The following DGAT2 variants were observed in gnomAD, a reference collection of about 807,000 sequenced individuals.
The protein encoded by DGAT2 is acyl-CoA retinol O-fatty-acyltransferase.
DGAT2 carries 33 observed loss-of-function variants against 48.4 expected under a neutral mutation model. That is an observed-to-expected ratio of 0.68 (90% CI 0.52 to 0.91). The LOEUF (loss-of-function observed/expected upper bound fraction) is 0.91. Ranked by LOEUF, DGAT2 falls within the 40% of genes least tolerant of loss-of-function variation. The pLI is 0.00. For missense variants in DGAT2, 446 were observed against 493.7 expected (o/e 0.90, Z 0.92); for synonymous variants, 191 against 194.1 (o/e 0.98, Z 0.13).
At chr11:75,779,733 C>T (rs1944839900) in intron 1 of DGAT2, among the ~76,000 whole-genome samples, 1 of 152,164 alleles carries the variant, frequency 6.6e-6, no homozygotes, top group African/African-American at 2.4e-5. Flanking sequence ...CTCATCTGCC[C>T]CCATAAAACA....
At chr11:75,777,229 C>T (rs1476181501) in intron 1 of DGAT2, among the ~76,000 whole-genome samples, 1 of 151,580 alleles carries the variant, frequency 6.6e-6, no homozygotes, top group Non-Finnish European at 1.5e-5. Flanking sequence ...TGATGCCAGA[C>T]ATTCTGGCCC....
Position 75,800,752 on chromosome 11 carries a change from C to T in DGAT2, c.*244C>T, listed in dbSNP as rs1286720322. ...GGCCTAATCTGGGTGGCTCAGCTAACCTCTCTTCTTCCCTTCCTGAAGTGA... is the reference window on the plus strand; with the variant it reads ...GGCCTAATCTGGGTGGCTCAGCTAATCTCTCTTCTTCCCTTCCTGAAGTGA... On this transcript the variant is annotated 3_prime_UTR_variant, in exon 8 of 8. Coordinates refer to ENST00000228027, the MANE Select transcript of DGAT2 (RefSeq NM_032564.5). 1 of 470,450 alleles carries T rather than the reference C, an allele frequency of 2.1e-6. No individual in the cohort carries two copies. Among genetic ancestry groups the T allele is most frequent in the Non-Finnish European group, 3.8e-6 (1 of 263,278 alleles). The allele number at this position is 470,450 out of a possible 1,614,324, so 29.1% of individuals were successfully genotyped here.
At chr11:75,773,870 G>A (rs918654457) in intron 1 of DGAT2, 2 of 152,278 alleles carry the variant, frequency 1.3e-5, no homozygotes, top group Non-Finnish European at 2.9e-5. Context: ...TCCTGGAAGA[G>A]GTGACATTCA....
At chr11:75,776,244 G>C (rs986181090) in intron 1 of DGAT2, 1 of 152,196 alleles carries the variant, frequency 6.6e-6, no homozygotes, top group Non-Finnish European at 1.5e-5. Flanking sequence ...ATTCATCACA[G>C]TCCTCTCAAG....
intron 6 of DGAT2, among the ~76,000 whole-genome samples, 160 bp downstream of exon 6, chr11:75,797,492 G>A (rs1945070036): frequency 1.3e-5 from 2 of 152,212 alleles, no homozygotes; most frequent in Admixed American, 1.3e-4. Context: ...ACTGCACAGT[G>A]TGGGCCAAGT....
At chr11:75,769,981 C>T (rs1944741297) in intron 1 of DGAT2, among the ~76,000 whole-genome samples, 1 of 152,096 alleles carries the variant, frequency 6.6e-6, no homozygotes, top group Non-Finnish European at 1.5e-5. Flanking sequence ...GCCTACACCG[C>T]CCACCTTTGT....
rs1160599899 is a variant in DGAT2 at position 75,773,673 on chromosome 11, TG to T, written c.121+4565del. On this transcript the variant is annotated intron_variant, in intron 1 of 7. Coordinates refer to ENST00000228027, the MANE Select transcript of DGAT2 (RefSeq NM_032564.5). ...GGAAGGCTTCACTGAGGAAGGGACTTGGGGTGTGGACCCTTCATTTTATTGA... is the reference window on the plus strand; with the variant it reads ...GGAAGGCTTCACTGAGGAAGGGACTTGGGTGTGGACCCTTCATTTTATTGA... 5 of 152,454 alleles carry T rather than the reference TG, an allele frequency of 3.3e-5. No individual in the cohort carries two copies. The East Asian group carries it at 9.6e-4, about 29-fold the overall frequency. 9.4% of individuals were successfully genotyped at this position (152,454 alleles called of 1,614,324 possible).
At chr11:75,798,747 C>T (rs1307154943) in intron 7 of DGAT2, among the ~76,000 whole-genome samples, 1 of 152,088 alleles carries the variant, frequency 6.6e-6, no homozygotes, top group African/African-American at 2.4e-5. Flanking sequence ...GATGAGGATG[C>T]GCAGGTGCTC....
chr11:75,769,870 C>G (rs974921458), intron 1 of DGAT2, among the ~76,000 whole-genome samples: 1 of 152,162 alleles, frequency 6.6e-6, no homozygotes, highest in Non-Finnish European at 1.5e-5. Context: ...CTGTCCTGGT[C>G]TGCGTGTGTG....
chr11:75,800,557 T>C lies in DGAT2; in HGVS notation c.*49T>C. 1 of 1,588,612 alleles carries C rather than the reference T, an allele frequency of 6.3e-7. No individual in the cohort carries two copies. The highest frequency in any genetic ancestry group is 1.1e-5 in the South Asian group (1 of 87,584). On this transcript the variant is annotated 3_prime_UTR_variant, in exon 8 of 8. Transcript: ENST00000228027. ...TGGAGGAACCAGCTGCAAATCACTTTTTTGCTCTGTAAATTTGGAAGTGTC... is the reference window on the plus strand; with the variant it reads ...TGGAGGAACCAGCTGCAAATCACTTCTTTGCTCTGTAAATTTGGAAGTGTC...
chr11:75,779,346 C>T (rs984395426), intron 1 of DGAT2, among the ~76,000 whole-genome samples: 1 of 152,168 alleles, frequency 6.6e-6, no homozygotes, highest in East Asian at 1.9e-4. Context: ...CGCTCAACAG[C>T]GTAGCATTGT....
chr11:75,787,023 G>T (rs1944929646), intron 2 of DGAT2, among the ~76,000 whole-genome samples: 1 of 152,202 alleles, frequency 6.6e-6, no homozygotes, highest in African/African-American at 2.4e-5. Flanking sequence ...AGCAGCACAT[G>T]TAATAATTAC....
At chr11:75,770,463 A>C (rs548422382) in intron 1 of DGAT2, among the ~76,000 whole-genome samples, 1 of 151,072 alleles carries the variant, frequency 6.6e-6, no homozygotes, top group African/African-American at 2.4e-5. Flanking sequence ...CCCTTCTCTC[A>C]CTTGAGTCCT....
intron 1 of DGAT2, among the ~76,000 whole-genome samples, chr11:75,778,630 C>A (rs1002793870): frequency 1.3e-5 from 2 of 151,956 alleles, no homozygotes; most frequent in South Asian, 4.2e-4. Flanking sequence ...ATCAGGAGAT[C>A]GAGACCATCC....
In DGAT2 at chr11:75,797,222, TATC is replaced by T. The variant is rs751735969; in HGVS notation, c.706_708del (p.Ile236del). On this transcript the variant is annotated inframe_deletion, in exon 6 of 8. Transcript: ENST00000228027. The stretch of plus-strand genomic sequence containing the variant: ...TTTCAAAGAATGGGAGTGGCAATGC[TATC>T]ATCATCGTGGTCGGGGGTGCGGCTG... 1.9e-6 allele frequency: 3 copies of T among 1,581,084 alleles called. No homozygotes were observed. Among genetic ancestry groups the T allele is most frequent in the South Asian group, 1.2e-5 (1 of 86,838 alleles).
intron 2 of DGAT2, among the ~76,000 whole-genome samples, chr11:75,788,152 C>T (rs1363680679): frequency 2.6e-5 from 4 of 152,162 alleles, no homozygotes; most frequent in Non-Finnish European, 4.4e-5. Context: ...CTCATCGTCC[C>T]TATCTGGCCC....
chr11:75,790,695 T>C lies in DGAT2; in HGVS notation c.393T>C (p.Ala131=). ...GRRSQWVRNW[A]VWRYFRDYFP... is the part of the protein sequence containing the mutation. The stretch of plus-strand genomic sequence containing the variant: ...GGTCACAGTGGGTCCGAAACTGGGC[T>C]GTGTGGCGCTACTTTCGAGACTACT... Residue 131 remains alanine (A), a synonymous_variant, in exon 4 of 8, where the codon GCT becomes GCC. Transcript: ENST00000228027. 6.2e-7 allele frequency: 1 copy of C among 1,614,112 alleles called. No individual in the cohort carries two copies. Among genetic ancestry groups the C allele is most frequent in the South Asian group, 1.1e-5 (1 of 91,082 alleles).
At chr11:75,775,386 T>C (rs1370938200) in intron 1 of DGAT2, among the ~76,000 whole-genome samples, 3 of 152,336 alleles carry the variant, frequency 2.0e-5, no homozygotes, top group African/African-American at 7.2e-5. Context: ...GGCTCTCCAG[T>C]AGTTTGGCTT....
intron 2 of DGAT2, among the ~76,000 whole-genome samples, chr11:75,789,752 C>T (rs1249997773): frequency 6.6e-6 from 1 of 152,178 alleles, no homozygotes; most frequent in Non-Finnish European, 1.5e-5. Flanking sequence ...GTCACCCTGC[C>T]TTACACTTGA....
Sources: allele counts gnomAD v4.1 joint callset (sites outside exome capture counted in the v4.1 genomes callset), GRCh38; gene constraint gnomAD v4.1.1; transcripts MANE v1.5; gene names NCBI Gene and HGNC (gene_info 2026-07-23, HGNC 2026-07-21).